Variants in CNIH3 observed in about 807,000 individuals in gnomAD.
CNIH3 encodes the protein cornichon family AMPA receptor auxiliary protein 3, also known as protein cornichon homolog 3.
CNIH3 carries 14 observed loss-of-function variants against 24.1 expected under a neutral mutation model. That is an observed-to-expected ratio of 0.58 (90% CI 0.38 to 0.91). The LOEUF (loss-of-function observed/expected upper bound fraction) is 0.91, where lower values mean the gene tolerates loss of function less well. Among genes scored for constraint, CNIH3 ranks in the 40% least tolerant of loss-of-function variants. The pLI, the probability that CNIH3 is intolerant of heterozygous loss-of-function variation, is 0.00. For synonymous variants in CNIH3, 68 were observed against 73.8 expected (o/e 0.92, Z 0.40); for missense variants, 178 against 196.8 (o/e 0.90, Z 0.57).
At chr1:224,571,639 C>T (rs1680822908) in intron 4 of CNIH3, among the ~76,000 whole-genome samples, 4 of 152,120 alleles carry the variant, frequency 2.6e-5, no homozygotes, top group African/African-American at 2.4e-5. Context: ...GCATGAGAAT[C>T]GCTTGAACCT....
At chr1:224,671,812 T>C (rs1685880234) in intron 1 of CNIH3, among the ~76,000 whole-genome samples, 1 of 152,180 alleles carries the variant, frequency 6.6e-6, no homozygotes. Context: ...AGCAAGGACT[T>C]GAACAGGTGG....
intron 1 of CNIH3, among the ~76,000 whole-genome samples, chr1:224,495,861 A>G (rs1028124109): frequency 6.6e-6 from 1 of 152,162 alleles, no homozygotes; most frequent in African/African-American, 2.4e-5. Flanking sequence ...GACTGAGGCA[A>G]GAGGAACCCT....
intron 2 of CNIH3, among the ~76,000 whole-genome samples, chr1:224,683,920 C>T (rs1173861620): frequency 6.6e-6 from 1 of 152,220 alleles, no homozygotes; most frequent in Non-Finnish European, 1.5e-5. Flanking sequence ...ATGTGGGCTT[C>T]TTCCTCTGGG....
chr1:224,517,272 C>T lies in CNIH3; in HGVS notation n.15+1396C>T, dbSNP rs536282547. 5.3e-5 allele frequency among the ~76,000 whole-genome samples: 8 copies of T among 152,118 alleles called. No individual in the cohort carries two copies. The East Asian group carries it at 1.5e-3, about 29-fold the overall frequency. ...TGTTCTGCACACCCAATAGTGTGTG[C>T]AGAAATGCCAGCTGGGAGCCTATTT... is the stretch of plus-strand genomic sequence containing the variant. On this transcript the variant is annotated intron_variant and non_coding_transcript_variant, in intron 1 of 2. Transcript: ENST00000470602.
intron 1 of CNIH3, among the ~76,000 whole-genome samples, chr1:224,464,123 A>AAG (rs1344070587): frequency 6.6e-6 from 1 of 151,876 alleles, no homozygotes; most frequent in Non-Finnish European, 1.5e-5. Flanking sequence ...GTATCTTTTG[A>AAG]AGAGCTTAAC....
intron 3 of CNIH3, among the ~76,000 whole-genome samples, chr1:224,712,044 C>T (rs916737896): frequency 1.9e-4 from 29 of 152,120 alleles, no homozygotes; most frequent in African/African-American, 7.0e-4. Flanking sequence ...CCCTGGTTCT[C>T]ACTAGCTTCA....
chr1:224,559,329 G>T (rs1379396822), intron 3 of CNIH3, among the ~76,000 whole-genome samples: 2 of 152,110 alleles, frequency 1.3e-5, no homozygotes, highest in African/African-American at 4.8e-5. Flanking sequence ...TAACTCATTT[G>T]TGATTAGTCT....
intron 1 of CNIH3, among the ~76,000 whole-genome samples, chr1:224,663,696 A>T (rs1685468762): frequency 2.6e-5 from 4 of 152,212 alleles, no homozygotes. Flanking sequence ...CCCAAAATTG[A>T]GCCATTCCCC....
intron 3 of CNIH3, among the ~76,000 whole-genome samples, chr1:224,691,556 G>A (rs1455452799): frequency 1.3e-5 from 2 of 152,212 alleles, no homozygotes; most frequent in Non-Finnish European, 2.9e-5. Flanking sequence ...GAGCCCACCT[G>A]TATCTCAAGG....
chr1:224,566,673 C>T (rs769334664), intron 4 of CNIH3, among the ~76,000 whole-genome samples: 7 of 152,166 alleles, frequency 4.6e-5, no homozygotes, highest in Non-Finnish European at 1.0e-4. Flanking sequence ...CCAGCTTCAT[C>T]CATGTCCATG....
chr1:224,677,520 A>G (rs1362391579), intron 1 of CNIH3, among the ~76,000 whole-genome samples: 1 of 152,218 alleles, frequency 6.6e-6, no homozygotes, highest in Non-Finnish European at 1.5e-5. Context: ...CCATCACATC[A>G]TCAGAAAGCA....
chr1:224,633,993 C>G (rs1458152538), intron 1 of CNIH3, among the ~76,000 whole-genome samples: 2 of 152,246 alleles, frequency 1.3e-5, no homozygotes, highest in African/African-American at 4.8e-5. Flanking sequence ...TCTTATTTCT[C>G]TTCCTTCTCA....
chr1:224,736,463 A>G lies in CNIH3; in HGVS notation c.455+1757A>G, dbSNP rs1689597349. 2.6e-5 allele frequency among the ~76,000 whole-genome samples: 4 copies of G among 152,214 alleles called. No individual in the cohort carries two copies. The South Asian group carries it at 8.3e-4, about 32-fold the overall frequency. On this transcript the variant is annotated intron_variant, in intron 5 of 5. Transcript: ENST00000272133. ...TGGCTATCTTAGAAAACCTCTAGAA[A>G]AGTCTTCATCAAAGTGTGGGGTAAG... is the stretch of plus-strand genomic sequence containing the variant.
intron 1 of CNIH3, chr1:224,661,567 T>A (rs1685354802): frequency 2.6e-6 from 1 of 378,640 alleles, no homozygotes; most frequent in Admixed American, 2.9e-5. Flanking sequence ...TGGAAATGGG[T>A]CTCTTCCACC....
intron 1 of CNIH3, among the ~76,000 whole-genome samples, chr1:224,644,676 C>T (rs147409754): frequency 1.7e-3 from 258 of 152,128 alleles, no homozygotes; most frequent in African/African-American, 5.7e-3. Context: ...CCCACAGATA[C>T]CTGACTGCTG....
exon 1 of CNIH3, chr1:224,434,709 CGGCAGCGGA>C: frequency 1.1e-6 from 1 of 952,094 alleles, no homozygotes; most frequent in Non-Finnish European, 1.2e-6. Context: ...CGGCGGCGGG[CGGCAGCGGA>C]GGCAGCTGCC....
At chr1:224,728,459 C>T (rs1689153270) in intron 3 of CNIH3, among the ~76,000 whole-genome samples, 1 of 152,174 alleles carries the variant, frequency 6.6e-6, no homozygotes, top group Non-Finnish European at 1.5e-5. Flanking sequence ...CAAGGGTCAC[C>T]ACCTCTGGAA....
upstream of CNIH3, among the ~76,000 whole-genome samples, chr1:224,512,996 T>C (rs1013888672): frequency 3.9e-5 from 6 of 152,338 alleles, no homozygotes; most frequent in African/African-American, 1.4e-4. Flanking sequence ...GCTTACAGCA[T>C]TGCTGTTAAC....
At chr1:224,445,424 A>G (rs1166970133) in intron 1 of CNIH3, among the ~76,000 whole-genome samples, 1 of 151,640 alleles carries the variant, frequency 6.6e-6, no homozygotes, top group Admixed American at 6.6e-5. Context: ...AAAAATACGA[A>G]AATTAGCCGG....
Sources: allele counts gnomAD v4.1 joint callset (sites outside exome capture counted in the v4.1 genomes callset), GRCh38; gene constraint gnomAD v4.1.1; transcripts MANE v1.5; gene names NCBI Gene and HGNC (gene_info 2026-07-23, HGNC 2026-07-21).